Variants in SLC9A4 observed in about 807,000 individuals in gnomAD.
SLC9A4 encodes the protein sodium/hydrogen exchanger 4.
A neutral mutation model predicts 67.4 loss-of-function variants in SLC9A4; 63 were observed. The ratio of observed to expected loss-of-function variants is 0.93; its 90% CI spans 0.76 to 1.15. The LOEUF is 1.15. Ranked by LOEUF, SLC9A4 falls within the 50% of genes most tolerant of loss-of-function variation. The pLI is 0.00. For synonymous variants in SLC9A4, 393 were observed against 367.2 expected, an observed-to-expected ratio of 1.07 and a Z score of -0.80; for missense variants, 1,089 against 987.7, an observed-to-expected ratio of 1.10 and a Z score of -1.38.
intron 2 of SLC9A4, among the ~76,000 whole-genome samples, chr2:102,495,434 C>T (rs921912706): frequency 1.3e-5 from 2 of 151,994 alleles, no homozygotes; most frequent in African/African-American, 4.8e-5. Context: ...AATCAGTTTT[C>T]TCCTATTTGA....
chr2:102,479,031 CCTT>C lies in SLC9A4; in HGVS notation c.453_455del (p.Phe152del). The C allele has an allele frequency of 6.2e-7, 1 of 1,614,220 alleles. No individual in the cohort carries two copies. Among genetic ancestry groups the C allele is most frequent in the Non-Finnish European group, 8.5e-7 (1 of 1,180,040 alleles). ...GGCGGCTACTTCATGCCCACCCGGC[CCTT>C]CTTTGAGAACATCGGCTCCATCCTG... is the stretch of plus-strand genomic sequence containing the variant. On this transcript the variant is annotated inframe_deletion, in exon 2 of 12. Transcript: ENST00000295269.
Position 102,473,786 on chromosome 2 carries a change from CA to C in SLC9A4, c.28del (p.Ser10ValfsTer9), listed in dbSNP as rs756379306. MALQMFVTY[S>X]PWNCLLLLVA... is the part of the protein sequence containing the mutation. The stretch of plus-strand genomic sequence containing the variant: ...TGGCTCTGCAGATGTTCGTGACTTA[CA>C]GTCCTTGGAATTGTTTGCTACTGCT... On this transcript the variant is annotated frameshift_variant, in exon 1 of 12. Transcript: ENST00000295269. LOFTEE classifies it high-confidence loss of function. The C allele has an allele frequency of 1.9e-6, 3 of 1,614,008 alleles. No individual in the cohort carries two copies. In the African/African-American group the frequency reaches 4.0e-5, roughly 22 times the overall value.
At chr2:102,476,213 G>T (rs1299121685) in intron 1 of SLC9A4, among the ~76,000 whole-genome samples, 1 of 152,138 alleles carries the variant, frequency 6.6e-6, no homozygotes, top group Non-Finnish European at 1.5e-5. Context: ...CAGACTTTGT[G>T]GTTTATCTTC....
chr2:102,517,929 C>T (rs1331405361), intron 8 of SLC9A4, among the ~76,000 whole-genome samples: 2 of 152,132 alleles, frequency 1.3e-5, no homozygotes, highest in Non-Finnish European at 2.9e-5. Flanking sequence ...TAGAAATGAT[C>T]ACTCATTCAG....
intron 8 of SLC9A4, among the ~76,000 whole-genome samples, chr2:102,515,411 C>CCTCAGGGATTAT (rs1344099919): frequency 1.4e-5 from 2 of 147,714 alleles, no homozygotes; most frequent in Non-Finnish European, 1.5e-5. Flanking sequence ...CTGAGATAAT[C>CCTCAGGGATTAT]CCTGAGGATA....
intron 10 of SLC9A4, 24 bp from the exon 11 acceptor site, chr2:102,526,235 T>A: frequency 6.2e-7 from 1 of 1,610,368 alleles, no homozygotes; most frequent in Non-Finnish European, 8.5e-7. Context: ...TATTCTGCTT[T>A]TTCTTTCTAC....
At chr2:102,505,197 G>C in intron 3 of SLC9A4, 57 bp from the exon 4 acceptor site, 2 of 1,548,680 alleles carry the variant, frequency 1.3e-6, no homozygotes, top group Non-Finnish European at 1.8e-6. Flanking sequence ...TGGGGAGGGC[G>C]TTTTGTGGAG....
At chr2:102,482,376 G>C (rs182392251) in intron 2 of SLC9A4, among the ~76,000 whole-genome samples, 1 of 152,288 alleles carries the variant, frequency 6.6e-6, no homozygotes, top group Admixed American at 6.5e-5. Context: ...TTTAGGTTGA[G>C]AGAAACTGAT....
chr2:102,514,057 C>G (rs377145509), intron 7 of SLC9A4, 33 bp from the exon 8 acceptor site: 98 of 1,604,106 alleles, frequency 6.1e-5, no homozygotes, highest in Non-Finnish European at 7.9e-5. Context: ...TACAGACGTT[C>G]AAGATTTCCA....
At chr2:102,500,834 A>G (rs1684914776) in intron 2 of SLC9A4, among the ~76,000 whole-genome samples, 1 of 152,128 alleles carries the variant, frequency 6.6e-6, no homozygotes, top group South Asian at 2.1e-4. Context: ...GAGCAAGGAG[A>G]AGGCCTTTGT....
chr2:102,522,710 TA>T (rs1470205377), intron 9 of SLC9A4, among the ~76,000 whole-genome samples: 1 of 152,240 alleles, frequency 6.6e-6, no homozygotes, highest in Non-Finnish European at 1.5e-5. Context: ...ATTCTTGTGT[TA>T]TTTTTCACGA....
intron 2 of SLC9A4, among the ~76,000 whole-genome samples, chr2:102,492,121 C>A (rs1684715398): frequency 6.6e-6 from 1 of 152,198 alleles, no homozygotes; most frequent in African/African-American, 2.4e-5. Flanking sequence ...CAGGGTACAG[C>A]CCCCACCTCC....
intron 1 of SLC9A4, among the ~76,000 whole-genome samples, chr2:102,476,297 C>T (rs903892110): frequency 2.0e-5 from 3 of 152,200 alleles, no homozygotes; most frequent in Non-Finnish European, 4.4e-5. Context: ...AATTGTAGGG[C>T]GTTCTTTGAC....
In SLC9A4 at chr2:102,517,383, T is replaced by C. The variant is rs74995216; in HGVS notation, c.1722-2476T>C. Among the ~76,000 whole-genome samples the C allele has an allele frequency of 1.6e-4, 25 of 152,340 alleles. 1 individual carries two copies. In the East Asian group the frequency reaches 4.8e-3, roughly 29 times the overall value. ...TTGGAACTTCATCCTATGATATGTG[T>C]ATTCTACTAGATGTTATAGTAGAAT... On this transcript the variant is annotated intron_variant, in intron 8 of 11. Transcript: ENST00000295269.
intron 9 of SLC9A4, among the ~76,000 whole-genome samples, chr2:102,523,133 AT>A (rs33951404): frequency 0.28 from 40,799 of 148,232 alleles, 6,827 homozygotes; most frequent in African/African-American, 0.48. Flanking sequence ...CACACCCAGC[AT>A]TTTTTTTTTT....
At position 102,503,671 on chromosome 2, in the gene SLC9A4, T is replaced by A. The variant is rs1196390493; in HGVS notation, c.944T>A (p.Leu315Ter). The A allele has an allele frequency of 6.2e-7, 1 of 1,614,218 alleles. No individual in the cohort carries two copies. Among genetic ancestry groups the A allele is most frequent in the South Asian group, 1.1e-5 (1 of 91,088 alleles). Residue 315 changes from leucine to a stop codon, truncating the protein, a stop_gained, in exon 3 of 12, where the codon TTA becomes TAA. Transcript: ENST00000295269. LOFTEE classifies it high-confidence loss of function. Reference protein sequence around the residue: ...IVFMFSYLSYLAAETLYLSGI... With the variant: ...IVFMFSYLSY ...TTCATGTTCAGCTATTTGTCTTACTTAGCTGCTGAAACCCTCTATCTCTCC... is the reference window on the plus strand; with the variant it reads ...TTCATGTTCAGCTATTTGTCTTACTAAGCTGCTGAAACCCTCTATCTCTCC...
chr2:102,520,091 T>C, intron 9 of SLC9A4, 136 bp downstream of exon 9: 6 of 663,726 alleles, frequency 9.0e-6, no homozygotes, highest in Non-Finnish European at 1.5e-5. Flanking sequence ...ATATTTTCTC[T>C]CTGCTTAGTT....
intron 2 of SLC9A4, among the ~76,000 whole-genome samples, chr2:102,485,665 GGA>G (rs1684572610): frequency 6.6e-6 from 1 of 152,198 alleles, no homozygotes; most frequent in Non-Finnish European, 1.5e-5. Flanking sequence ...GAATGCAGCA[GGA>G]AGAGTGAATA....
Position 102,496,298 on chromosome 2 carries a change from G to A in SLC9A4, c.721-7150G>A, listed in dbSNP as rs147657322. On this transcript the variant is annotated intron_variant, in intron 2 of 11. Transcript: ENST00000295269. ...TGCGCAACATAGTAATCAGGGAAATGCAAATTAAATCACAGTGAAATGCCA... is the reference window on the plus strand; with the variant it reads ...TGCGCAACATAGTAATCAGGGAAATACAAATTAAATCACAGTGAAATGCCA... 3.8e-3 allele frequency among the ~76,000 whole-genome samples: 572 copies of A among 152,304 alleles called. 2 individuals are homozygous for A. The highest frequency in any genetic ancestry group is 0.013 in the African/African-American group (545 of 41,560).
Sources: allele counts gnomAD v4.1 joint callset (sites outside exome capture counted in the v4.1 genomes callset), GRCh38; gene constraint gnomAD v4.1.1; transcripts MANE v1.5; gene names NCBI Gene and HGNC (gene_info 2026-07-23, HGNC 2026-07-21).